Variants in LRRTM4 observed in about 807,000 individuals in gnomAD.
LRRTM4 encodes the protein leucine rich repeat transmembrane neuronal 4.
A neutral mutation model predicts 47.6 loss-of-function variants in LRRTM4; 25 were observed. The ratio of observed to expected loss-of-function variants is 0.53; its 90% CI spans 0.38 to 0.73. The LOEUF is 0.73. LRRTM4 is among the 30% of genes least tolerant of loss of function. The pLI is 0.00. For missense variants in LRRTM4, 638 were observed against 713.4 expected (o/e 0.89, Z 1.20); for synonymous variants, 311 against 269.5 (o/e 1.15, Z -1.51).
At chr2:77,209,563 C>G (rs1191811112) in intron 3 of LRRTM4, among the ~76,000 whole-genome samples, 1 of 152,118 alleles carries the variant, frequency 6.6e-6, no homozygotes, top group Non-Finnish European at 1.5e-5. Context: ...GTATTATCGA[C>G]AATGTTACAA....
At chr2:76,839,961 C>T (rs942546379) in intron 3 of LRRTM4, among the ~76,000 whole-genome samples, 1 of 152,052 alleles carries the variant, frequency 6.6e-6, no homozygotes, top group South Asian at 2.1e-4. Context: ...TTGGGTGTCT[C>T]CTATGTGTCA....
At chr2:77,477,546 C>T (rs1032372998) in intron 3 of LRRTM4, among the ~76,000 whole-genome samples, 3 of 151,626 alleles carry the variant, frequency 2.0e-5, no homozygotes, top group Non-Finnish European at 2.9e-5. Flanking sequence ...TGTTTTGTGC[C>T]CTTCAAAGCC....
chr2:77,003,181 T>C (rs537950376), intron 3 of LRRTM4, among the ~76,000 whole-genome samples: 1 of 152,004 alleles, frequency 6.6e-6, no homozygotes, highest in Non-Finnish European at 1.5e-5. Flanking sequence ...TCTTATTTGT[T>C]ATTTTCTTCC....
intron 3 of LRRTM4, among the ~76,000 whole-genome samples, chr2:77,243,426 A>T (rs911179844): frequency 5.5e-5 from 2 of 36,196 alleles, no homozygotes; most frequent in African/African-American, 2.4e-4. Context: ...AAAAAAAAAT[A>T]AAAAAAATAA....
At chr2:77,226,270 C>T (rs985542941) in intron 3 of LRRTM4, among the ~76,000 whole-genome samples, 4 of 151,692 alleles carry the variant, frequency 2.6e-5, no homozygotes, top group African/African-American at 9.7e-5. Context: ...TACTCCTCTC[C>T]TGCTCTGGGT....
intron 3 of LRRTM4, among the ~76,000 whole-genome samples, chr2:77,070,426 G>C (rs1029796151): frequency 2.2e-4 from 34 of 151,892 alleles, no homozygotes; most frequent in Admixed American, 2.1e-3. Flanking sequence ...ATATTTTAAA[G>C]ATAAAACATA....
chr2:76,906,956 A>C (rs1489896165), intron 3 of LRRTM4, among the ~76,000 whole-genome samples: 1 of 152,094 alleles, frequency 6.6e-6, no homozygotes, highest in Non-Finnish European at 1.5e-5. Context: ...AAAGTTAACA[A>C]GGATACCCAG....
At chr2:77,195,958 G>A (rs963032544) in intron 3 of LRRTM4, among the ~76,000 whole-genome samples, 7 of 152,214 alleles carry the variant, frequency 4.6e-5, no homozygotes, top group Non-Finnish European at 1.0e-4. Context: ...AGAAAGGTCC[G>A]TATGTGTAAG....
At chr2:77,032,253 G>C (rs1267248000) in intron 3 of LRRTM4, among the ~76,000 whole-genome samples, 1 of 152,010 alleles carries the variant, frequency 6.6e-6, no homozygotes, top group Non-Finnish European at 1.5e-5. Context: ...TTGTTACGTA[G>C]GTAACTCTTT....
chr2:77,250,842 G>A (rs1219439219), intron 3 of LRRTM4, among the ~76,000 whole-genome samples: 2 of 152,018 alleles, frequency 1.3e-5, no homozygotes, highest in African/African-American at 2.4e-5. Context: ...GATGGCTCAC[G>A]CCTGTAATCC....
At chr2:76,801,427 C>G (rs1450260609) in intron 3 of LRRTM4, among the ~76,000 whole-genome samples, 1 of 151,898 alleles carries the variant, frequency 6.6e-6, no homozygotes, top group African/African-American at 2.4e-5. Context: ...AAAAACCAAA[C>G]AGCGCATATT....
chr2:77,199,246 G>A (rs1175789104), intron 3 of LRRTM4, among the ~76,000 whole-genome samples: 3 of 152,062 alleles, frequency 2.0e-5, no homozygotes, highest in Admixed American at 2.0e-4. Flanking sequence ...CTATGCACCA[G>A]GTAATCAAGT....
intron 3 of LRRTM4, among the ~76,000 whole-genome samples, chr2:77,481,367 C>G (rs1677696220): frequency 6.6e-6 from 1 of 152,120 alleles, no homozygotes; most frequent in South Asian, 2.1e-4. Flanking sequence ...CGAGAACCTG[C>G]CTTCTTAACA....
chr2:77,211,302 T>C (rs947100980), intron 3 of LRRTM4, among the ~76,000 whole-genome samples: 4 of 152,098 alleles, frequency 2.6e-5, no homozygotes, highest in Admixed American at 2.0e-4. Flanking sequence ...GCTGAAATGA[T>C]GAAAGAGAAG....
At chr2:77,417,076 G>A (rs1162756583) in intron 3 of LRRTM4, among the ~76,000 whole-genome samples, 3 of 149,876 alleles carry the variant, frequency 2.0e-5, no homozygotes, top group African/African-American at 7.6e-5. Flanking sequence ...ATCGAAAAGT[G>A]GGCAAAGGAT....
chr2:77,398,946 G>A (rs950815636), intron 3 of LRRTM4, among the ~76,000 whole-genome samples: 1 of 151,696 alleles, frequency 6.6e-6, no homozygotes, highest in African/African-American at 2.4e-5. Context: ...GGTGGAGGTT[G>A]GTAGGGGGAA....
chr2:77,055,021 G>A (rs916054670), intron 3 of LRRTM4, among the ~76,000 whole-genome samples: 16 of 152,108 alleles, frequency 1.1e-4, no homozygotes, highest in African/African-American at 3.9e-4. Context: ...CAATGGCAAG[G>A]CTGAGCCAAG....
chr2:77,137,078 C>A (rs1187081361), intron 3 of LRRTM4, among the ~76,000 whole-genome samples: 2 of 151,658 alleles, frequency 1.3e-5, no homozygotes, highest in African/African-American at 4.9e-5. Flanking sequence ...GAGAACTTCC[C>A]CAACCTACCA....
intron 3 of LRRTM4, among the ~76,000 whole-genome samples, chr2:76,851,028 T>C (rs899778914): frequency 5.3e-5 from 8 of 152,192 alleles, no homozygotes; most frequent in African/African-American, 1.9e-4. Context: ...AGCAGCCAGT[T>C]TGGGTAAGTC....
Sources: gnomAD v4.1 joint callset for allele counts (sites outside exome capture counted in the v4.1 genomes callset) on GRCh38, gnomAD v4.1.1 for gene constraint, MANE v1.5 for transcripts, NCBI Gene and HGNC (gene_info 2026-07-23, HGNC 2026-07-21) for gene names.